PXDNL: variants seen among roughly 807,000 people sequenced by gnomAD.
PXDNL encodes peroxidasin like.
A neutral mutation model predicts 150.8 loss-of-function variants in PXDNL; 145 were observed. The observed-to-expected ratio is 0.96, with a 90% confidence interval of 0.84 to 1.10. The LOEUF is 1.10. PXDNL is among the 50% of genes least tolerant of loss of function. The pLI is 0.00. For missense variants in PXDNL, 2,087 were observed against 1,873.9 expected (o/e 1.11, Z -2.10); for synonymous variants, 757 against 725.7 (o/e 1.04, Z -0.69).
chr8:51,490,725 CTAGTGTGT>C (rs1810871463), intron 5 of PXDNL, among the ~76,000 whole-genome samples: 1 of 57,738 alleles, frequency 1.7e-5, no homozygotes, highest in East Asian at 3.4e-4. Flanking sequence ...AATTGACTTT[CTAGTGTGT>C]GTGTGTGTGT....
intron 4 of PXDNL, among the ~76,000 whole-genome samples, chr8:51,550,870 C>G (rs1180915939): frequency 3.3e-5 from 5 of 152,168 alleles, no homozygotes; most frequent in South Asian, 4.1e-4. Flanking sequence ...AAAGAGGAGT[C>G]AAACTGTCGT....
intron 5 of PXDNL, among the ~76,000 whole-genome samples, chr8:51,496,742 A>T (rs1811061144): frequency 6.6e-6 from 1 of 152,098 alleles, no homozygotes; most frequent in African/African-American, 2.4e-5. Flanking sequence ...GACGTGAAGG[A>T]CCCCCAAGGA....
At chr8:51,632,181 G>A (rs767250081) in intron 2 of PXDNL, among the ~76,000 whole-genome samples, 2 of 152,180 alleles carry the variant, frequency 1.3e-5, no homozygotes, top group Non-Finnish European at 2.9e-5. Context: ...TAGTTCTACA[G>A]TAATAGTTGG....
chr8:51,788,345 A>G (rs1462488148), intron 1 of PXDNL, among the ~76,000 whole-genome samples: 3 of 152,224 alleles, frequency 2.0e-5, no homozygotes, highest in Non-Finnish European at 4.4e-5. Context: ...GAACGGGGCA[A>G]GGATGAATTC....
chr8:51,747,542 C>T (rs1285099440), intron 1 of PXDNL, among the ~76,000 whole-genome samples: 2 of 152,180 alleles, frequency 1.3e-5, no homozygotes, highest in African/African-American at 4.8e-5. Context: ...AGAAGAAACT[C>T]ATTTTCCCCT....
Position 51,475,146 on chromosome 8 carries a change from G to C in PXDNL, c.525-5C>G, listed in dbSNP as rs770766145. 5.6e-6 allele frequency: 9 copies of C among 1,609,924 alleles called. No individual in the cohort carries two copies. In the African/African-American group the frequency reaches 1.2e-4, roughly 22 times the overall value. ...AGGGCGTTGGAATCCAGACGCCTAGGCATGCAGGCAAGAAGTACAACTGTT... is the reference window on the plus strand; with the variant it reads ...AGGGCGTTGGAATCCAGACGCCTAGCCATGCAGGCAAGAAGTACAACTGTT... On this transcript the variant is annotated splice_polypyrimidine_tract_variant and splice_region_variant and intron_variant, in intron 6 of 22. Coordinates refer to ENST00000356297, the MANE Select transcript of PXDNL (RefSeq NM_144651.5).
At chr8:51,397,197 G>A (rs1808108832) in intron 17 of PXDNL, among the ~76,000 whole-genome samples, 1 of 152,216 alleles carries the variant, frequency 6.6e-6, no homozygotes, top group African/African-American at 2.4e-5. Flanking sequence ...ATATAAGCAT[G>A]CCTGCTAACA....
intron 17 of PXDNL, among the ~76,000 whole-genome samples, chr8:51,400,001 ATAATC>A (rs1291016167): frequency 2.6e-5 from 4 of 152,252 alleles, no homozygotes. Flanking sequence ...TAATTGTAAA[ATAATC>A]TATCATAGTA....
rs961120289 is a variant in PXDNL at position 51,399,273 on chromosome 8, C to T, written c.3557+8794G>A. ...ATGGAATCATAGGCCCACAAAAAGA[C>T]GTGCATGTAAGAGTTCATCGCAGTT... On this transcript the variant is annotated intron_variant, in intron 17 of 22. Transcript: ENST00000356297. 3.9e-5 allele frequency among the ~76,000 whole-genome samples: 6 copies of T among 152,132 alleles called. No homozygotes were observed. The East Asian group carries it at 1.2e-3, about 29-fold the overall frequency.
At chr8:51,638,562 T>C (rs997472160) in intron 2 of PXDNL, among the ~76,000 whole-genome samples, 1 of 152,026 alleles carries the variant, frequency 6.6e-6, no homozygotes, top group African/African-American at 2.4e-5. Context: ...TAGTCTCTGA[T>C]AAAACAGACT....
chr8:51,560,292 T>A (rs1023041886), intron 3 of PXDNL, among the ~76,000 whole-genome samples: 3 of 152,000 alleles, frequency 2.0e-5, no homozygotes, highest in African/African-American at 4.8e-5. Flanking sequence ...ATGGCATTTT[T>A]TTTTGCAGAA....
At chr8:51,461,246 T>C (rs969933597) in intron 8 of PXDNL, among the ~76,000 whole-genome samples, 2 of 152,120 alleles carry the variant, frequency 1.3e-5, no homozygotes, top group Non-Finnish European at 2.9e-5. Flanking sequence ...CTCAGAACAC[T>C]GAGAAGAGTG....
At chr8:51,332,905 A>C (rs1805730792) in intron 21 of PXDNL, among the ~76,000 whole-genome samples, 1 of 152,206 alleles carries the variant, frequency 6.6e-6, no homozygotes, top group Non-Finnish European at 1.5e-5. Flanking sequence ...AAAGCTTGGA[A>C]AACATGTTTG....
intron 1 of PXDNL, among the ~76,000 whole-genome samples, chr8:51,743,727 G>C (rs1274076748): frequency 1.3e-5 from 2 of 152,034 alleles, no homozygotes; most frequent in Non-Finnish European, 2.9e-5. Flanking sequence ...ATTTGGTCAG[G>C]CTGGTCTCAA....
intron 1 of PXDNL, among the ~76,000 whole-genome samples, chr8:51,807,514 ACT>A (rs1476337180): frequency 2.0e-5 from 3 of 152,094 alleles, no homozygotes; most frequent in Non-Finnish European, 4.4e-5. Context: ...CATATCAAAC[ACT>A]GTTAGCATCT....
chr8:51,605,600 A>G (rs1813822523), intron 2 of PXDNL, among the ~76,000 whole-genome samples: 1 of 152,206 alleles, frequency 6.6e-6, no homozygotes. Context: ...TAAATGTATG[A>G]GTTTAATAAT....
intron 3 of PXDNL, among the ~76,000 whole-genome samples, chr8:51,585,167 G>A (rs1813296374): frequency 6.6e-6 from 1 of 152,146 alleles, no homozygotes; most frequent in Admixed American, 6.6e-5. Context: ...TTTGAAGGGA[G>A]AAAGATAATG....
At chr8:51,429,302 G>A (rs1214034495) in intron 12 of PXDNL, among the ~76,000 whole-genome samples, 3 of 152,184 alleles carry the variant, frequency 2.0e-5, no homozygotes, top group South Asian at 2.1e-4. Flanking sequence ...ACATGTGGCC[G>A]GGTGCAGTGG....
intron 12 of PXDNL, among the ~76,000 whole-genome samples, chr8:51,443,248 A>T (rs1057399832): frequency 2.0e-5 from 3 of 152,216 alleles, no homozygotes; most frequent in Non-Finnish European, 4.4e-5. Flanking sequence ...AAAAAATAAA[A>T]TGCATAAGTA....
Sources: allele counts gnomAD v4.1 joint callset (sites outside exome capture counted in the v4.1 genomes callset), GRCh38; gene constraint gnomAD v4.1.1; transcripts MANE v1.5; gene names NCBI Gene and HGNC (gene_info 2026-07-23, HGNC 2026-07-21).